The following CCDC38 variants were observed in gnomAD, a reference collection of about 807,000 sequenced individuals.
CCDC38 encodes coiled-coil domain-containing protein 38.
A neutral mutation model predicts 72.8 loss-of-function variants in CCDC38; 69 were observed. The ratio of observed to expected loss-of-function variants is 0.95; its 90% CI spans 0.78 to 1.16. The LOEUF (loss-of-function observed/expected upper bound fraction) is 1.16. Ranked by LOEUF, CCDC38 falls within the 50% of genes most tolerant of loss-of-function variation. The probability of loss-of-function intolerance (pLI) is 0.00; values close to 1 mark genes in which losing one functional copy is unlikely to be tolerated. For missense variants in CCDC38, 626 were observed against 638.9 expected, an observed-to-expected ratio of 0.98 and a Z score of 0.22; for synonymous variants, 201 against 213.2, an observed-to-expected ratio of 0.94 and a Z score of 0.50.
At chr12:95,920,490 A>T (rs1362640273) in intron 2 of CCDC38, among the ~76,000 whole-genome samples, 2 of 152,230 alleles carry the variant, frequency 1.3e-5, no homozygotes. Flanking sequence ...AACAAAATGC[A>T]GTATATCCAT....
chr12:95,895,746 T>C (rs2079880315), intron 7 of CCDC38, among the ~76,000 whole-genome samples: 1 of 88,098 alleles, frequency 1.1e-5, no homozygotes, highest in African/African-American at 4.9e-5. Context: ...AGAGCAAAAC[T>C]CTGTCTCGAA....
At chr12:95,876,238 A>T (rs1204427101) in intron 13 of CCDC38, among the ~76,000 whole-genome samples, 2 of 152,232 alleles carry the variant, frequency 1.3e-5, no homozygotes, top group Admixed American at 1.3e-4. Context: ...TGACGTACCT[A>T]GAATAGTCAA....
intron 13 of CCDC38, among the ~76,000 whole-genome samples, chr12:95,874,778 T>C (rs1488798081): frequency 6.6e-6 from 1 of 152,168 alleles, no homozygotes; most frequent in Non-Finnish European, 1.5e-5. Flanking sequence ...GGAAGTGATA[T>C]GACCAGAGCA....
chr12:95,936,431 T>G lies in CCDC38; in HGVS notation c.37+42A>C, dbSNP rs1157032482. 1.9e-6 allele frequency: 3 copies of G among 1,595,240 alleles called. No homozygotes were observed. The African/African-American group carries it at 4.0e-5, about 21-fold the overall frequency. On this transcript the variant is annotated intron_variant, in intron 2 of 15. Coordinates refer to ENST00000344280, the MANE Select transcript of CCDC38 (RefSeq NM_182496.3). ...CACAATCTGTTATGGAGCCTAACAC[T>G]GCCAGGCCCAAACAAGAATATATTG...
At chr12:95,919,167 G>A (rs897450610) in intron 2 of CCDC38, among the ~76,000 whole-genome samples, 191 bp from the exon 3 acceptor site, 5 of 152,298 alleles carry the variant, frequency 3.3e-5, no homozygotes, top group South Asian at 2.1e-4. Context: ...TTTGTGGATC[G>A]GGCAGCCCCC....
intron 4 of CCDC38, among the ~76,000 whole-genome samples, chr12:95,907,205 AG>A (rs1294646126): frequency 1.4e-5 from 2 of 142,912 alleles, no homozygotes; most frequent in African/African-American, 5.3e-5. Flanking sequence ...CAAAATGAAA[AG>A]TCTCCCATGT....
intron 15 of CCDC38, 39 bp downstream of exon 15, chr12:95,869,441 C>T: frequency 7.0e-7 from 1 of 1,428,528 alleles, no homozygotes; most frequent in Non-Finnish European, 9.8e-7. Flanking sequence ...TTTTGTATCA[C>T]ATATTGATAT....
chr12:95,888,453 T>C lies in CCDC38; in HGVS notation c.920+5A>G, dbSNP rs376691001. The C allele has an allele frequency of 2.4e-5, 39 of 1,613,716 alleles. 1 individual carries two copies. Among genetic ancestry groups the C allele is most frequent in the African/African-American group, 1.6e-4 (12 of 74,912 alleles). On this transcript the variant is annotated splice_donor_5th_base_variant and intron_variant, in intron 10 of 15. Transcript: ENST00000344280. Reference sequence around the variant, plus strand: ...CCAAGGGAGTTAGTCAAGTATATACTGTACTTTGATTTCTTTTTCTCTGGA... The same window carrying C: ...CCAAGGGAGTTAGTCAAGTATATACCGTACTTTGATTTCTTTTTCTCTGGA...
chr12:95,941,110 G>C (rs2080446124), intron 1 of CCDC38, among the ~76,000 whole-genome samples: 1 of 152,150 alleles, frequency 6.6e-6, no homozygotes, highest in Non-Finnish European at 1.5e-5. Context: ...CTGTTTGCAG[G>C]AGCTTATCAG....
chr12:95,906,274 CAACCAATAG>C, intron 5 of CCDC38, 104 bp downstream of exon 5: 1 of 747,626 alleles, frequency 1.3e-6, no homozygotes, highest in Non-Finnish European at 2.2e-6. Context: ...CCAACCTGTT[CAACCAATAG>C]ATTTGGGACA....
chr12:95,929,036 G>A (rs2080305874), intron 2 of CCDC38, among the ~76,000 whole-genome samples: 1 of 152,188 alleles, frequency 6.6e-6, no homozygotes, highest in South Asian at 2.1e-4. Context: ...ACAGAGGCAG[G>A]CAGGCCTCCT....
chr12:95,934,106 T>C (rs1404775355), intron 2 of CCDC38: 2 of 152,134 alleles, frequency 1.3e-5, no homozygotes, highest in African/African-American at 2.4e-5. Flanking sequence ...CAACAAGATA[T>C]ACTTTTTTAA....
chr12:95,906,060 A>T (rs1182587485), intron 5 of CCDC38, among the ~76,000 whole-genome samples: 4 of 152,234 alleles, frequency 2.6e-5, no homozygotes, highest in Non-Finnish European at 5.9e-5. Flanking sequence ...TCCTGGTCAT[A>T]GAAGAGATAA....
chr12:95,914,469 C>T (rs566188625), intron 4 of CCDC38, among the ~76,000 whole-genome samples: 1 of 152,258 alleles, frequency 6.6e-6, no homozygotes, highest in East Asian at 1.9e-4. Flanking sequence ...TCATTTATTG[C>T]CACCCTCCTT....
At chr12:95,892,620 A>C (rs1484991139) in intron 8 of CCDC38, among the ~76,000 whole-genome samples, 2 of 140,192 alleles carry the variant, frequency 1.4e-5, no homozygotes, top group Non-Finnish European at 3.0e-5. Flanking sequence ...GTCTGCCTGG[A>C]GTGCAGTGGT....
At chr12:95,941,573 T>C (rs2080451182) in intron 1 of CCDC38, among the ~76,000 whole-genome samples, 1 of 152,230 alleles carries the variant, frequency 6.6e-6, no homozygotes, top group South Asian at 2.1e-4. Context: ...TTCTATAATT[T>C]TAACCCATCC....
chr12:95,899,727 C>G (rs537740159), intron 5 of CCDC38, among the ~76,000 whole-genome samples: 1 of 152,180 alleles, frequency 6.6e-6, no homozygotes, highest in Non-Finnish European at 1.5e-5. Context: ...ATTAGACCCT[C>G]CAAGTTTATA....
Position 95,903,473 on chromosome 12 carries a change from G to A in CCDC38, c.369+2914C>T, listed in dbSNP as rs1187504652. 6.6e-5 allele frequency: 46 copies of A among 700,124 alleles called. 1 individual carries two copies. The highest frequency in any genetic ancestry group is 3.0e-4 in the Admixed American group (15 of 49,928). 43.4% of individuals were successfully genotyped at this position (700,124 alleles called of 1,614,324 possible). On this transcript the variant is annotated intron_variant, in intron 5 of 15. Coordinates refer to ENST00000344280, the MANE Select transcript of CCDC38 (RefSeq NM_182496.3). ...AATCCTTGCCTTGTTCCTAATCTTA[G>A]GGGGAAAGCATTCAGTCTTTTACCA... is the stretch of plus-strand genomic sequence containing the variant.
chr12:95,877,451 C>T (rs1191949670), intron 13 of CCDC38, among the ~76,000 whole-genome samples: 5 of 152,124 alleles, frequency 3.3e-5, no homozygotes, highest in African/African-American at 1.2e-4. Flanking sequence ...TATTGGGCCA[C>T]GAGAAATAGC....
Sources: gnomAD v4.1 joint callset for allele counts (sites outside exome capture counted in the v4.1 genomes callset) on GRCh38, gnomAD v4.1.1 for gene constraint, MANE v1.5 for transcripts, NCBI Gene and HGNC (gene_info 2026-07-23, HGNC 2026-07-21) for gene names.